Variants in WDR88 observed in about 807,000 individuals in gnomAD.
WDR88 encodes WD repeat domain 88, also known as WD repeat-containing protein 88.
In WDR88, 40 loss-of-function variants were observed where a neutral mutation model predicts 46.8. That is an observed-to-expected ratio of 0.86 (90% CI 0.66 to 1.11). WDR88 has a LOEUF of 1.11. WDR88 is among the 50% of genes most tolerant of loss of function. The pLI is 0.00. For missense variants in WDR88, 562 were observed against 602.4 expected (o/e 0.93, Z 0.70); for synonymous variants, 235 against 240.7 (o/e 0.98, Z 0.22).
In WDR88 at chr19:33,156,898, C is replaced by G. The variant is rs562944499; in HGVS notation, c.997+356C>G. ...CTTCCCTCTGTATCAGCCTTTACCC[C>G]CAAGGAGGCAAAGATGGCCGGATGA... On this transcript the variant is annotated intron_variant, in intron 7 of 10. Coordinates refer to ENST00000355868, the MANE Select transcript of WDR88 (RefSeq NM_173479.4). Among the ~76,000 whole-genome samples the G allele has an allele frequency of 4.6e-5, 7 of 152,234 alleles. No homozygotes were observed. The East Asian group carries it at 7.7e-4, about 17-fold the overall frequency.
rs746219674 is a variant in WDR88 at position 33,175,431 on chromosome 19, G to A, written c.1278G>A (p.Lys426=). The A allele has an allele frequency of 6.2e-7, 1 of 1,614,126 alleles. No homozygotes were observed. The highest frequency in any genetic ancestry group is 1.3e-5 in the African/African-American group (1 of 75,038). Residue 426 remains lysine, a synonymous_variant, in exon 11 of 11, where the codon AAG becomes AAA. Transcript: ENST00000355868. ...ERCDRPFSIF[K]SDTSSEMFTQ... ...GTGACAGGCCTTTCTCCATCTTCAA[G>A]AGTGACACCTCTTCTGAAATGTTCA...
chr19:33,174,826 C>T (rs1424840607), intron 10 of WDR88: 1 of 951,022 alleles, frequency 1.1e-6, no homozygotes, highest in African/African-American at 1.8e-5. Context: ...GAGACATGAG[C>T]TGGCAGGAGA....
chr19:33,143,337 CAAA>C (rs59380405), intron 2 of WDR88, among the ~76,000 whole-genome samples: 16,149 of 48,020 alleles, frequency 0.34, 1,271 homozygotes, highest in South Asian at 0.47. Flanking sequence ...GATCCAGTGT[CAAA>C]AAAAAAAAAA....
At chr19:33,157,667 ATGTGTGTGTG>A (rs1211109483) in intron 7 of WDR88, among the ~76,000 whole-genome samples, 20,148 of 94,872 alleles carry the variant, frequency 0.21, 3,119 homozygotes, top group African/African-American at 0.47. Context: ...ATATGTATGT[ATGTGTGTGTG>A]TGTATGTATG....
At chr19:33,149,693 C>G (rs575644139) in intron 5 of WDR88, among the ~76,000 whole-genome samples, 97 of 151,534 alleles carry the variant, frequency 6.4e-4, no homozygotes, top group Non-Finnish European at 1.2e-3. Context: ...GAGTCTTGCT[C>G]TGTCTCCTAG....
Position 33,164,220 on chromosome 19 carries a change from T to A in WDR88, c.1104T>A (p.Asp368Glu), listed in dbSNP as rs142169288. The change falls in exon 9 of 11, where the codon GAT becomes GAA. Residue 368 changes from aspartate to glutamate, a missense_variant. Transcript: ENST00000355868. ...SLKGHNDWVM[D>E]VAISNNKKWI... Reference sequence around the variant, plus strand: ...AGGGCCATAATGACTGGGTGATGGATGTTGCCATTAGCAACAACAAGAAAT... The same window carrying A: ...AGGGCCATAATGACTGGGTGATGGAAGTTGCCATTAGCAACAACAAGAAAT... 90 of 1,614,142 alleles carry A rather than the reference T, an allele frequency of 5.6e-5. No homozygotes were observed. The African/African-American group carries it at 1.1e-3, about 19-fold the overall frequency.
chr19:33,141,609 C>T (rs1416732144), intron 2 of WDR88, among the ~76,000 whole-genome samples: 1 of 152,132 alleles, frequency 6.6e-6, no homozygotes, highest in Non-Finnish European at 1.5e-5. Context: ...AATATTTTTC[C>T]CAGCTTCTCT....
chr19:33,162,528 T>C (rs1028311955), intron 8 of WDR88, among the ~76,000 whole-genome samples: 4 of 152,060 alleles, frequency 2.6e-5, no homozygotes, highest in East Asian at 1.9e-4. Flanking sequence ...TGAGCTCCTA[T>C]GTACCCAAAG....
intron 10 of WDR88, 113 bp downstream of exon 10, chr19:33,172,553 G>C: frequency 1.1e-6 from 1 of 874,324 alleles, no homozygotes; most frequent in East Asian, 2.7e-5. Context: ...TGAACAAACA[G>C]ACTGACATTT....
intron 9 of WDR88, among the ~76,000 whole-genome samples, chr19:33,170,728 G>A (rs1230864996): frequency 6.6e-6 from 1 of 152,056 alleles, no homozygotes; most frequent in Non-Finnish European, 1.5e-5. Context: ...GGGGTATGGT[G>A]GCGCATGCCT....
At chr19:33,161,610 G>A (rs1029497264) in intron 8 of WDR88, among the ~76,000 whole-genome samples, 1 of 152,162 alleles carries the variant, frequency 6.6e-6, no homozygotes, top group African/African-American at 2.4e-5. Context: ...GGGAGACAAA[G>A]CGAGTTTCCT....
chr19:33,164,674 T>C (rs573600694), intron 9 of WDR88, among the ~76,000 whole-genome samples: 2 of 152,210 alleles, frequency 1.3e-5, no homozygotes, highest in Admixed American at 1.3e-4. Flanking sequence ...CAGCCCAGGA[T>C]ATCCCAACAG....
intron 2 of WDR88, among the ~76,000 whole-genome samples, chr19:33,141,742 G>A (rs1006879843): frequency 1.5e-4 from 23 of 152,076 alleles, no homozygotes; most frequent in Admixed American, 5.9e-4. Flanking sequence ...GTGCAGTGGC[G>A]TGGTCTCGGC....
chr19:33,137,199 G>GC (rs1973286088), intron 1 of WDR88, among the ~76,000 whole-genome samples: 1 of 149,242 alleles, frequency 6.7e-6, no homozygotes, highest in Non-Finnish European at 1.5e-5. Flanking sequence ...CAGTCCTCCT[G>GC]CCCCAGCCTC....
At chr19:33,162,906 A>G (rs1303895280) in intron 8 of WDR88, among the ~76,000 whole-genome samples, 1 of 151,836 alleles carries the variant, frequency 6.6e-6, no homozygotes, top group East Asian at 1.9e-4. Flanking sequence ...AAATAAATAA[A>G]TATAGAATGG....
At chr19:33,151,381 A>G (rs1973631970) in intron 6 of WDR88, 71 bp downstream of exon 6, 1 of 1,545,524 alleles carries the variant, frequency 6.5e-7, no homozygotes, top group Non-Finnish European at 8.7e-7. Context: ...CCTGAATTCC[A>G]CATAAGCCAG....
intron 6 of WDR88, among the ~76,000 whole-genome samples, chr19:33,155,895 C>T (rs534541543): frequency 6.6e-4 from 100 of 152,296 alleles, no homozygotes; most frequent in African/African-American, 2.2e-3. Flanking sequence ...CACAGGACGG[C>T]CCCCACAACT....
rs543835599 is a variant in WDR88, at chr19:33,153,380, A to G, written c.809+2070A>G. 1.0e-3 allele frequency among the ~76,000 whole-genome samples: 154 copies of G among 150,978 alleles called. 4 individuals are homozygous for G. Among genetic ancestry groups the G allele is most frequent in the Admixed American group, 0.01 (153 of 15,160 alleles). On this transcript the variant is annotated intron_variant, in intron 6 of 10. Transcript: ENST00000355868. ...GCACCTGGCCTGTTTTTAATTCTTT[A>G]CTCTGTATACCCAGGAGTGGAATTG... is the stretch of plus-strand genomic sequence containing the variant.
At chr19:33,167,733 CCTCCTCTTTTCTCTTCT>C (rs1973975884) in intron 9 of WDR88, among the ~76,000 whole-genome samples, 2 of 150,782 alleles carry the variant, frequency 1.3e-5, no homozygotes, top group South Asian at 4.2e-4. Flanking sequence ...TCCTGCCTTC[CCTCCTCTTTTCTCTTCT>C]CTCCTCTCCT....
Sources: gnomAD v4.1 joint callset for allele counts (sites outside exome capture counted in the v4.1 genomes callset) on GRCh38, gnomAD v4.1.1 for gene constraint, MANE v1.5 for transcripts, NCBI Gene and HGNC (gene_info 2026-07-23, HGNC 2026-07-21) for gene names.